The following PAPLN variants were observed in gnomAD, a reference collection of about 807,000 sequenced individuals.
The protein encoded by PAPLN is papilin.
Under a neutral mutation model 159.0 loss-of-function variants are expected in PAPLN, and 146 were observed. The ratio of observed to expected loss-of-function variants is 0.92; its 90% CI spans 0.80 to 1.05. PAPLN has a LOEUF of 1.05. Ranked by LOEUF, PAPLN falls within the 50% of genes least tolerant of loss-of-function variation. The pLI is 0.00. For synonymous variants in PAPLN, 734 were observed against 702.9 expected (o/e 1.04, Z -0.70); for missense variants, 1,720 against 1,743.9 (o/e 0.99, Z 0.24).
rs57126237 is a variant in PAPLN at position 73,258,618 on chromosome 14, TAAA to T, written c.1628-343_1628-341del. On this transcript the variant is annotated intron_variant, in intron 14 of 26. Transcript: ENST00000644200. ...GGGCAATATAGAAAGACCCTATCTC[TAAA>T]AAAAAAAAAAAAAAAAAGTAGTCCC... 3.6e-4 allele frequency among the ~76,000 whole-genome samples: 27 copies of T among 75,764 alleles called. 1 individual carries two copies. Among genetic ancestry groups the T allele is most frequent in the African/African-American group, 1.1e-3 (20 of 18,978 alleles). 49.7% of individuals were successfully genotyped at this position (75,764 alleles called of 152,430 possible).
chr14:73,251,450 G>GCCCAGCACA, intron 7 of PAPLN, 36 bp from the exon 8 acceptor site: 1 of 1,583,942 alleles, frequency 6.3e-7, no homozygotes, highest in Non-Finnish European at 8.6e-7. Context: ...GAGAGGGATA[G>GCCCAGCACA]CCCAGCACAC....
intron 14 of PAPLN, among the ~76,000 whole-genome samples, chr14:73,256,258 G>A (rs1169021049): frequency 6.6e-6 from 1 of 152,148 alleles, no homozygotes; most frequent in African/African-American, 2.4e-5. Flanking sequence ...GCCAGGTGAG[G>A]ATTAATCCCA....
chr14:73,250,855 C>T (rs1885168438), intron 6 of PAPLN, 52 bp from the exon 7 acceptor site: 15 of 1,553,058 alleles, frequency 9.7e-6, no homozygotes, highest in Non-Finnish European at 1.3e-5. Flanking sequence ...GGGCCCAAGG[C>T]CTGATGTGGC....
chr14:73,274,174 G>C lies in PAPLN; in HGVS notation c.*1510G>C, dbSNP rs1249940921. The stretch of plus-strand genomic sequence containing the variant: ...GAGGATAGCAATGGGGAAGGGTTGT[G>C]GGCAATGCAGTAACAGGGAAATGGC... On this transcript the variant is annotated 3_prime_UTR_variant, in exon 27 of 27. Transcript: ENST00000644200. 6.6e-6 allele frequency: 1 copy of C among 152,222 alleles called. No homozygotes were observed. Among genetic ancestry groups the C allele is most frequent in the Admixed American group, 6.5e-5 (1 of 15,276 alleles). The allele number at this position is 152,222 out of a possible 1,614,324, so 9.4% of individuals were successfully genotyped here.
chr14:73,262,245 A>T, intron 18 of PAPLN, 105 bp from the exon 19 acceptor site: 1 of 1,142,672 alleles, frequency 8.8e-7, no homozygotes, highest in Non-Finnish European at 1.3e-6. Flanking sequence ...GACATGCTTT[A>T]TAAGTGGGGA....
Position 73,245,530 on chromosome 14 carries a change from G to T in PAPLN, c.171-106G>T, listed in dbSNP as rs1884133164. On this transcript the variant is annotated intron_variant, in intron 3 of 26. Coordinates refer to ENST00000644200, the MANE Select transcript of PAPLN (RefSeq NM_001365906.3). The surrounding 1 kb of genome is among the most constrained non-coding windows in gnomAD (Gnocchi z 4.2). Reference sequence around the variant, plus strand: ...TCGGGGGACACCCTCTCACCTTGCTGCTCCCACTGGAGAGTCCCGCAGAAG... The same window carrying T: ...TCGGGGGACACCCTCTCACCTTGCTTCTCCCACTGGAGAGTCCCGCAGAAG... 1.8e-5 allele frequency: 23 copies of T among 1,269,612 alleles called. No homozygotes were observed. In the South Asian group the frequency reaches 3.0e-4, roughly 16 times the overall value. The allele number at this position is 1,269,612 out of a possible 1,614,324, so 78.6% of individuals were successfully genotyped here.
rs1368029239 is a variant in PAPLN, at chr14:73,265,149, TGTGGTGGAGGGGCAGGGAGTGGTA to T, written c.3126-216_3126-193del. Among the ~76,000 whole-genome samples, 2 of 151,868 alleles carry T rather than the reference TGTGGTGGAGGGGCAGGGAGTGGTA, an allele frequency of 1.3e-5. No homozygotes were observed. Among genetic ancestry groups the T allele is most frequent in the Non-Finnish European group, 2.9e-5 (2 of 67,974 alleles). On this transcript the variant is annotated intron_variant, in intron 22 of 26. Transcript: ENST00000644200. This position sits in a 1 kb window ranked among gnomAD's most constrained non-coding sequence, Gnocchi z 4.1. ...TGGCTGGTGGGTGTGTCTGGCCAGC[TGTGGTGGAGGGGCAGGGAGTGGTA>T]GTGGCGGGGAGGCAGCTTTAGACTT...
In PAPLN at chr14:73,272,667, A is replaced by C; in HGVS notation, c.*3A>C. On this transcript the variant is annotated 3_prime_UTR_variant, in exon 27 of 27. Transcript: ENST00000644200. ...ACGCTCAGCCCATCTGGCAGTAGGG[A>C]TGAAGGCTAGTTCCAGCCCCAGTCC... 1.3e-6 allele frequency: 2 copies of C among 1,563,722 alleles called. No individual in the cohort carries two copies. The highest frequency in any genetic ancestry group is 1.7e-6 in the Non-Finnish European group (2 of 1,143,024).
intron 26 of PAPLN, 47 bp from the exon 27 acceptor site, chr14:73,272,448 T>C (rs769019880): frequency 1.4e-6 from 2 of 1,436,962 alleles, no homozygotes; most frequent in Non-Finnish European, 1.9e-6. Flanking sequence ...ATTTTCAGCA[T>C]ACACAGAGCT....
intron 6 of PAPLN, among the ~76,000 whole-genome samples, chr14:73,250,615 A>G (rs1030465084): frequency 2.0e-5 from 3 of 152,136 alleles, no homozygotes; most frequent in Non-Finnish European, 2.9e-5. Flanking sequence ...ACTTACCCTG[A>G]ACCACTCCAA....
intron 6 of PAPLN, among the ~76,000 whole-genome samples, 186 bp downstream of exon 6, chr14:73,250,300 C>T (rs1259605131): frequency 6.6e-6 from 1 of 152,228 alleles, no homozygotes; most frequent in Non-Finnish European, 1.5e-5. Context: ...GGCCCCTCAC[C>T]TTCATCCTTG....
chr14:73,246,003 G>C (rs1003647), intron 4 of PAPLN, 70 bp from the exon 5 acceptor site: 118,489 of 1,405,912 alleles, frequency 0.084, 5,793 homozygotes, highest in Non-Finnish European at 0.095. Flanking sequence ...CCCTGGGCTC[G>C]GGCGGGGCGG....
intron 1 of PAPLN, among the ~76,000 whole-genome samples, chr14:73,238,250 T>C (rs1883182848): frequency 6.6e-6 from 1 of 152,182 alleles, no homozygotes; most frequent in African/African-American, 2.4e-5. Context: ...GTCGCCGCCT[T>C]CGGCCCTAGC....
chr14:73,253,246 C>G, intron 11 of PAPLN: 1 of 1,357,716 alleles, frequency 7.4e-7, no homozygotes, highest in Non-Finnish European at 9.7e-7. Context: ...AGGTCACAGG[C>G]TCCCCGCAGG....
Position 73,254,511 on chromosome 14 carries a change from A to G in PAPLN, c.1303-2A>G. The G allele has an allele frequency of 6.2e-7, 1 of 1,613,708 alleles. No individual in the cohort carries two copies. The highest frequency in any genetic ancestry group is 8.5e-7 in the Non-Finnish European group (1 of 1,179,730). Reference sequence around the variant, plus strand: ...CTTCTGCTGACAGCCTTGTCCTTGCAGTGTTCTGTCAGTTGTGGCGTTGGC... The same window carrying G: ...CTTCTGCTGACAGCCTTGTCCTTGCGGTGTTCTGTCAGTTGTGGCGTTGGC... On this transcript the variant is annotated splice_acceptor_variant, in intron 12 of 26. Coordinates refer to ENST00000644200, the MANE Select transcript of PAPLN (RefSeq NM_001365906.3). LOFTEE classifies it high-confidence loss of function.
chr14:73,272,650 C>T lies in PAPLN; in HGVS notation c.3823C>T (p.Pro1275Ser), dbSNP rs1171449613. The T allele has an allele frequency of 1.2e-5, 19 of 1,575,708 alleles. No individual in the cohort carries two copies. Among genetic ancestry groups the T allele is most frequent in the Non-Finnish European group, 1.6e-5 (18 of 1,150,446 alleles). ...TTCACGTTTCCAGCCTCACGCTCAG[C>T]CCATCTGGCAGTAGGGATGAAGGCT... The part of the protein sequence containing the change: ...SCSRFQPHAQ[P>S]IWQ Residue 1275 changes from proline (P) to serine (S), a missense_variant, in exon 27 of 27, where the codon CCC becomes TCC. By Grantham distance (74) the Pro-to-Ser change is moderately conservative. Coordinates refer to ENST00000644200, the MANE Select transcript of PAPLN (RefSeq NM_001365906.3).
intron 5 of PAPLN, among the ~76,000 whole-genome samples, chr14:73,248,096 TGTGTGTGTGTGCGC>T: frequency 2.5e-5 from 3 of 119,402 alleles, no homozygotes; most frequent in African/African-American, 1.0e-4. Flanking sequence ...TGTGTGTGTG[TGTGTGTGTGTGCGC>T]GTGTGTGTGT....
rs1268012593 is a variant in PAPLN at position 73,264,620 on chromosome 14, C to T, written c.3019C>T (p.Leu1007=). The change falls in exon 22 of 27, where the codon CTG becomes TTG. Residue 1007 remains leucine (L), a synonymous_variant. Transcript: ENST00000644200. ...CATGGCCGTGCTGTCTGAGGCTGAG[C>T]TGAGCCGCTTCCCTCAGCCCAGGGA... ...GDMAVLSEAE[L]SRFPQPRDPA... 7 of 1,604,518 alleles carry T rather than the reference C, an allele frequency of 4.4e-6. No individual in the cohort carries two copies. The highest frequency in any genetic ancestry group is 5.9e-6 in the Non-Finnish European group (7 of 1,177,626).
Position 73,266,635 on chromosome 14 carries a change from T to C in PAPLN, c.3391+7T>C, listed in dbSNP as rs2140304803. ...GTCCAGCTCAGAGTTCTGGGTAAAGTGGCAGTCCTGAGTGGCCTTTGAGGT... is the reference window on the plus strand; with the variant it reads ...GTCCAGCTCAGAGTTCTGGGTAAAGCGGCAGTCCTGAGTGGCCTTTGAGGT... On this transcript the variant is annotated splice_region_variant and intron_variant, in intron 24 of 26. Transcript: ENST00000644200. The C allele has an allele frequency of 6.2e-7, 1 of 1,614,124 alleles. No individual in the cohort carries two copies. Among genetic ancestry groups the C allele is most frequent in the African/African-American group, 1.3e-5 (1 of 75,032 alleles).
Sources: allele counts gnomAD v4.1 joint callset (sites outside exome capture counted in the v4.1 genomes callset), GRCh38; gene constraint gnomAD v4.1.1; non-coding constraint Gnocchi (gnomAD v3.1); transcripts MANE v1.5; gene names NCBI Gene and HGNC (gene_info 2026-07-23, HGNC 2026-07-21).